SLC4A2: variants seen among roughly 807,000 people sequenced by gnomAD.
The protein encoded by SLC4A2 is solute carrier family 4 member 2, also known as anion exchange protein 2.
In SLC4A2, 36 loss-of-function variants were observed where a neutral mutation model predicts 115.0. That is an observed-to-expected ratio of 0.31 (90% confidence interval 0.24 to 0.41). The LOEUF (loss-of-function observed/expected upper bound fraction) is 0.41. SLC4A2 is among the 10% of genes least tolerant of loss of function. The pLI is 1.00. For synonymous variants in SLC4A2, 708 were observed against 708.3 expected (o/e 1.00, Z 0.01); for missense variants, 1,252 against 1,705.6 (o/e 0.73, Z 4.68).
chr7:151,066,797 G>A, intron 6 of SLC4A2, 36 bp downstream of exon 6: 1 of 1,589,822 alleles, frequency 6.3e-7, no homozygotes, highest in Non-Finnish European at 8.6e-7. Flanking sequence ...CGGCACTGGT[G>A]GGCAAAGGAG....
chr7:151,064,895 C>G lies in SLC4A2; in HGVS notation c.507C>G (p.Thr169=), dbSNP rs913995166. 3 of 1,613,860 alleles carry G rather than the reference C, an allele frequency of 1.9e-6. No homozygotes were observed. The African/African-American group carries it at 4.0e-5, about 22-fold the overall frequency. Residue 169 remains threonine, a synonymous_variant, in exon 5 of 23, where the codon ACC becomes ACG. Coordinates refer to ENST00000413384, the MANE Select transcript of SLC4A2 (RefSeq NM_003040.4). ...DDSADRKAER[T]SPSSPAPLPH... The stretch of plus-strand genomic sequence containing the variant: ...GTGCTGACCGGAAGGCAGAGAGGAC[C>G]AGTCCATCTTCCCCTGCACCACTGC...
At position 151,066,539 on chromosome 7, in the gene SLC4A2, G is replaced by A. The variant is rs1474388608; in HGVS notation, c.601G>A (p.Ala201Thr). 1.6e-5 allele frequency: 24 copies of A among 1,534,070 alleles called. No homozygotes were observed. The highest frequency in any genetic ancestry group is 2.0e-5 in the Non-Finnish European group (23 of 1,140,036). The stretch of plus-strand genomic sequence containing the variant: ...TAGAACCCAGGTGGAGGAGGCGGAG[G>A]CGGAGGCGGTGGCGGTGGCCAGTGG... The part of the protein sequence containing the change: ...QAGTQVEEAE[A>T]EAVAVASGTA... Residue 201 changes from alanine to threonine, a missense_variant, in exon 6 of 23, where the codon GCG becomes ACG. Transcript: ENST00000413384.
chr7:151,070,975 CAT>C, intron 12 of SLC4A2, 64 bp downstream of exon 12: 1 of 1,593,814 alleles, frequency 6.3e-7, no homozygotes, highest in Non-Finnish European at 8.6e-7. Context: ...TCTTGATCCC[CAT>C]GACTGCCTCC....
chr7:151,065,276 G>A (rs999488770), intron 5 of SLC4A2, among the ~76,000 whole-genome samples: 4 of 151,676 alleles, frequency 2.6e-5, no homozygotes, highest in African/African-American at 4.8e-5. Context: ...ACCCCTGCCC[G>A]TCTCCCACCC....
intron 2 of SLC4A2, 66 bp downstream of exon 2, chr7:151,062,104 A>C: frequency 7.2e-7 from 1 of 1,398,126 alleles, no homozygotes; most frequent in Non-Finnish European, 9.9e-7. Flanking sequence ...TGCTCCGGCC[A>C]AGGGTCCTCG....
intron 12 of SLC4A2, 25 bp downstream of exon 12, chr7:151,070,936 C>T (rs1212253234): frequency 6.2e-7 from 1 of 1,608,274 alleles, no homozygotes; most frequent in Non-Finnish European, 8.5e-7. Context: ...TCCTCTGGGC[C>T]CTGCTTCCTG....
chr7:151,071,748 G>A lies in SLC4A2; in HGVS notation c.2251G>A (p.Gly751Ser), dbSNP rs771071495. 2 of 1,612,882 alleles carry A rather than the reference G, an allele frequency of 1.2e-6. No individual in the cohort carries two copies. Among genetic ancestry groups the A allele is most frequent in the Admixed American group, 3.3e-5 (2 of 59,890 alleles). The change falls in exon 15 of 23, where the codon GGC becomes AGC. Residue 751 changes from glycine to serine, a missense_variant. By Grantham distance (56) the Gly-to-Ser change is moderately conservative. Around this residue, in one of 14 missense-constraint regions of SLC4A2, gnomAD observed 118 missense variants for 203.3 expected, o/e 0.58. Coordinates refer to ENST00000413384, the MANE Select transcript of SLC4A2 (RefSeq NM_003040.4). This position sits in a 1 kb window ranked among gnomAD's most constrained non-coding sequence, Gnocchi z 5.5. ...GCTGATTATGTCCACAGCGCTCCAGGGCGTGGTCTTCTGCCTGCTGGGTGC... is the reference window on the plus strand; with the variant it reads ...GCTGATTATGTCCACAGCGCTCCAGAGCGTGGTCTTCTGCCTGCTGGGTGC... ...SELIMSTALQGVVFCLLGAQP... is the reference protein window; with the variant it reads ...SELIMSTALQSVVFCLLGAQP...
At position 151,061,967 on chromosome 7, in the gene SLC4A2, GA is replaced by G. The variant is rs1797063198; in HGVS notation, c.-17del. On this transcript the variant is annotated 5_prime_UTR_variant, in exon 2 of 23. It removes the in-frame stop codon of an upstream open reading frame in the 5' UTR. Coordinates refer to ENST00000413384, the MANE Select transcript of SLC4A2 (RefSeq NM_003040.4). ...TTGCCCTGAAAGCCGCAGCGACAGCGAAAAGGGCTAAGATTCGGCCATGAGC... is the reference window on the plus strand; with the variant it reads ...TTGCCCTGAAAGCCGCAGCGACAGCGAAAGGGCTAAGATTCGGCCATGAGC... The G allele has an allele frequency of 1.9e-6, 3 of 1,608,778 alleles. No individual in the cohort carries two copies. The highest frequency in any genetic ancestry group is 1.7e-6 in the Non-Finnish European group (2 of 1,179,036).
At position 151,060,918 on chromosome 7, in the gene SLC4A2, A is replaced by G. The variant is rs558645487; in HGVS notation, c.-63-1007A>G. ...CAGTCCCCAGCAACACACTGGGAGC[A>G]TGGGTTGTTGGGTACCGTCACTTTT... On this transcript the variant is annotated intron_variant, in intron 1 of 22. Transcript: ENST00000413384. The surrounding 1 kb of genome is among the most constrained non-coding windows in gnomAD (Gnocchi z 5.9). Among the ~76,000 whole-genome samples, 1 of 152,114 alleles carries G rather than the reference A, an allele frequency of 6.6e-6. No individual in the cohort carries two copies. The highest frequency in any genetic ancestry group is 2.4e-5 in the African/African-American group (1 of 41,410).
chr7:151,066,386 C>G (rs1049261617), intron 5 of SLC4A2, 131 bp from the exon 6 acceptor site: 4 of 1,115,820 alleles, frequency 3.6e-6, no homozygotes, highest in African/African-American at 3.1e-5. Context: ...CGTGCCCGCA[C>G]CTCCCGGGAG....
At position 151,070,303 on chromosome 7, in the gene SLC4A2, T is replaced by G; in HGVS notation, c.1406T>G (p.Leu469Arg). 2 of 1,613,236 alleles carry G rather than the reference T, an allele frequency of 1.2e-6. No homozygotes were observed. The highest frequency in any genetic ancestry group is 1.7e-6 in the Non-Finnish European group (2 of 1,179,588). The change falls in exon 10 of 23, where the codon CTC becomes CGC. Residue 469 changes from leucine to arginine, a missense_variant. This residue lies in a region of SLC4A2 where 142 missense variants were observed against 153.5 expected (regional missense o/e 0.93). Transcript: ENST00000413384. ...AESDPHVTEP[L>R]MGGVPETRLE... is the part of the protein sequence containing the mutation. ...AGTGACCCCCACGTCACCGAGCCTCTCATGGGAGGTGTTCCTGAGACCCGG... is the reference window on the plus strand; with the variant it reads ...AGTGACCCCCACGTCACCGAGCCTCGCATGGGAGGTGTTCCTGAGACCCGG...
Position 151,075,468 on chromosome 7 carries a change from G to A in SLC4A2, c.3261G>A (p.Lys1087=), listed in dbSNP as rs1213290000. 6.2e-7 allele frequency: 1 copy of A among 1,601,822 alleles called. No homozygotes were observed. Among genetic ancestry groups the A allele is most frequent in the South Asian group, 1.1e-5 (1 of 91,084 alleles). The change falls in exon 20 of 23, where the codon AAG becomes AAA. Residue 1087 remains lysine (K), a synonymous_variant. Transcript: ENST00000413384. ...ACAAGCCCAAGATTCAGGAAGTCAA[G>A]GAGCAGCGGGTGACGGGGCTGCTGG... The part of the protein sequence containing the change: ...PGDKPKIQEV[K]EQRVTGLLVA...
At position 151,070,016 on chromosome 7, in the gene SLC4A2, T is replaced by C. The variant is rs1797376070; in HGVS notation, c.1217T>C (p.Val406Ala). 1.2e-6 allele frequency: 2 copies of C among 1,613,942 alleles called. No homozygotes were observed. Among genetic ancestry groups the C allele is most frequent in the Non-Finnish European group, 1.7e-6 (2 of 1,180,016 alleles). ...GVAHQVVEQM[V>A]ISDQIKAEDR... ...GCCCACCAGGTGGTGGAGCAGATGG[T>C]CATCTCTGACCAGATCAAGGCCGAG... Residue 406 changes from valine to alanine, a missense_variant, in exon 9 of 23, where the codon GTC (valine) becomes GCC (alanine). Around this residue, in one of 14 missense-constraint regions of SLC4A2, gnomAD observed 142 missense variants for 153.5 expected, o/e 0.93. Coordinates refer to ENST00000413384, the MANE Select transcript of SLC4A2 (RefSeq NM_003040.4).
chr7:151,073,570 GT>G (rs1177293175), intron 16 of SLC4A2, among the ~76,000 whole-genome samples: 3 of 152,088 alleles, frequency 2.0e-5, no homozygotes, highest in African/African-American at 4.8e-5. Context: ...TACCCGGCCT[GT>G]TTTTTTATTT....
At position 151,066,752 on chromosome 7, in the gene SLC4A2, C is replaced by T. The variant is rs1389904122; in HGVS notation, c.814C>T (p.Leu272Phe). ...AQTLATADLD[L>F]MKSHRFEDVP... The stretch of plus-strand genomic sequence containing the variant: ...GACGCTGGCCACGGCCGACCTAGAC[C>T]TCATGAAGAGTAAGTGCTGGGCCTT... The change falls in exon 6 of 23, where the codon CTC becomes TTC. Residue 272 changes from leucine (L) to phenylalanine (F), a missense_variant. Physicochemically the swap from Leu to Phe is conservative, Grantham distance 22. Transcript: ENST00000413384. 3.2e-6 allele frequency: 5 copies of T among 1,569,114 alleles called. No individual in the cohort carries two copies. The Admixed American group carries it at 9.4e-5, about 29-fold the overall frequency.
chr7:151,067,815 C>T, intron 7 of SLC4A2, 59 bp from the exon 8 acceptor site: 1 of 1,501,412 alleles, frequency 6.7e-7, no homozygotes. Context: ...ACCTCTGACA[C>T]CCACCCCAGG....
chr7:151,075,760 CACTT>C lies in SLC4A2; in HGVS notation c.3459_3462del (p.Tyr1154SerfsTer59). 3 of 1,605,056 alleles carry C rather than the reference CACTT, an allele frequency of 1.9e-6. No homozygotes were observed. Among genetic ancestry groups the C allele is most frequent in the Non-Finnish European group, 2.6e-6 (3 of 1,172,900 alleles). On this transcript the variant is annotated frameshift_variant, in exon 21 of 23. Coordinates refer to ENST00000413384, the MANE Select transcript of SLC4A2 (RefSeq NM_003040.4). LOFTEE classifies it high-confidence loss of function. ...TGCCGCCCAAACACCACCCAGATGT[CACTT>C]ACGTCAAGAAGGTGAGCCCCCCAGC...
At chr7:151,061,527 T>G in intron 1 of SLC4A2, 1 of 169,082 alleles carries the variant, frequency 5.9e-6, no homozygotes. Context: ...CTCTGGTGGG[T>G]GCCCTGACCC....
Position 151,066,846 on chromosome 7 carries a change from C to G in SLC4A2, c.824-5C>G. 7.5e-6 allele frequency: 12 copies of G among 1,610,622 alleles called. No homozygotes were observed. Among genetic ancestry groups the G allele is most frequent in the East Asian group, 4.5e-5 (2 of 44,794 alleles). On this transcript the variant is annotated splice_polypyrimidine_tract_variant and splice_region_variant and intron_variant, in intron 6 of 22. Coordinates refer to ENST00000413384, the MANE Select transcript of SLC4A2 (RefSeq NM_003040.4). ...GAGCCCAACCTTGGTCCTCTGCCCC[C>G]ACAGGTCACCGGTTTGAGGACGTTC... is the stretch of plus-strand genomic sequence containing the variant.
Sources: allele counts gnomAD v4.1 joint callset (sites outside exome capture counted in the v4.1 genomes callset), GRCh38; gene constraint gnomAD v4.1.1; regional missense constraint gnomAD v4.1.1; non-coding constraint Gnocchi (gnomAD v3.1); transcripts MANE v1.5; gene names NCBI Gene and HGNC (gene_info 2026-07-23, HGNC 2026-07-21).